Variants in CHCHD3 observed in about 807,000 individuals in gnomAD.
CHCHD3 encodes the protein coiled-coil-helix-coiled-coil-helix domain containing 3.
Under a neutral mutation model 38.2 loss-of-function variants are expected in CHCHD3, and 20 were observed. The ratio of observed to expected loss-of-function variants is 0.52; its 90% confidence interval spans 0.37 to 0.76. The LOEUF is 0.76. Ranked by LOEUF, CHCHD3 falls within the 30% of genes least tolerant of loss-of-function variation. The probability of loss-of-function intolerance (pLI) is 0.00; values close to 1 mark genes in which losing one functional copy is unlikely to be tolerated. For synonymous variants in CHCHD3, 82 were observed against 100.0 expected, an observed-to-expected ratio of 0.82 and a Z score of 1.07; for missense variants, 245 against 279.2, an observed-to-expected ratio of 0.88 and a Z score of 0.87.
At chr7:132,972,978 A>T (rs966377701) in intron 4 of CHCHD3, 1 of 985,454 alleles carries the variant, frequency 1.0e-6, no homozygotes, top group African/African-American at 1.7e-5. Flanking sequence ...TATTCCAATC[A>T]AAACATGTTG....
Position 132,970,217 on chromosome 7 carries a change from G to C in CHCHD3, c.369+4952C>G, listed in dbSNP as rs191528529. ...CAAGCTTTTGCCTGCAATACCTAAGGCTGTTTCATCCCACTCCTCAACCTT... is the reference window on the plus strand; with the variant it reads ...CAAGCTTTTGCCTGCAATACCTAAGCCTGTTTCATCCCACTCCTCAACCTT... On this transcript the variant is annotated intron_variant, in intron 4 of 7. Transcript: ENST00000262570. Among the ~76,000 whole-genome samples the C allele has an allele frequency of 2.3e-4, 35 of 152,220 alleles. 1 individual carries two copies. The highest frequency in any genetic ancestry group is 2.1e-3 in the Admixed American group (32 of 15,298).
chr7:132,996,744 G>A (rs530350682), intron 3 of CHCHD3, among the ~76,000 whole-genome samples: 1 of 152,266 alleles, frequency 6.6e-6, no homozygotes, highest in East Asian at 1.9e-4. Context: ...GCAGCGGTGC[G>A]ATGCTGAGGG....
intron 5 of CHCHD3, among the ~76,000 whole-genome samples, chr7:132,862,981 C>G (rs774725051): frequency 6.6e-6 from 1 of 152,214 alleles, no homozygotes; most frequent in Non-Finnish European, 1.5e-5. Flanking sequence ...CCTTCCTCCA[C>G]TGAAGTGTTG....
At chr7:132,812,067 T>C (rs1200920328) in intron 6 of CHCHD3, among the ~76,000 whole-genome samples, 2 of 152,072 alleles carry the variant, frequency 1.3e-5, no homozygotes, top group South Asian at 2.1e-4. Flanking sequence ...TCTCAGTAAA[T>C]AGACCCTTCA....
chr7:132,799,800 T>C (rs1585524548), intron 6 of CHCHD3, among the ~76,000 whole-genome samples: 2 of 152,206 alleles, frequency 1.3e-5, no homozygotes, highest in Non-Finnish European at 2.9e-5. Flanking sequence ...GATCCTACCA[T>C]ATGTATGCAC....
intron 4 of CHCHD3, chr7:132,973,361 T>A (rs918202780): frequency 1.0e-6 from 1 of 985,376 alleles, no homozygotes; most frequent in Non-Finnish European, 1.2e-6. Flanking sequence ...TTAATATACA[T>A]AGAAATGACT....
At chr7:132,813,218 G>A (rs960884640) in intron 6 of CHCHD3, among the ~76,000 whole-genome samples, 6 of 152,150 alleles carry the variant, frequency 3.9e-5, no homozygotes, top group African/African-American at 1.4e-4. Context: ...GTGTATATGT[G>A]GGGGAACAAG....
At chr7:132,985,188 C>T (rs1210402694) in intron 3 of CHCHD3, among the ~76,000 whole-genome samples, 3 of 70,962 alleles carry the variant, frequency 4.2e-5, no homozygotes, top group South Asian at 4.9e-4. Flanking sequence ...CCGCCCCGTC[C>T]GGAAGGGAGG....
At chr7:132,897,735 A>G (rs910081159) in intron 4 of CHCHD3, among the ~76,000 whole-genome samples, 4 of 152,240 alleles carry the variant, frequency 2.6e-5, no homozygotes, top group Non-Finnish European at 1.5e-5. Context: ...ATTTTCTGCA[A>G]CCATTATTGC....
chr7:132,804,055 C>T (rs1806854654), intron 6 of CHCHD3, among the ~76,000 whole-genome samples: 1 of 151,992 alleles, frequency 6.6e-6, no homozygotes, highest in Admixed American at 6.6e-5. Flanking sequence ...AGGTAGATAA[C>T]TGGAAATAGC....
rs58754100 is a variant in CHCHD3, at chr7:133,076,058, CAAAAAAAAAA to C, written c.81+5789_81+5798del. Among the ~76,000 whole-genome samples, 125 of 63,710 alleles carry C rather than the reference CAAAAAAAAAA, an allele frequency of 2.0e-3. 1 individual carries two copies. The highest frequency in any genetic ancestry group is 1.4e-3 in the South Asian group (2 of 1,454). The allele number at this position is 63,710 out of a possible 152,430, so 41.8% of individuals were successfully genotyped here. A position where few individuals can be genotyped will look rare whatever the true frequency, so the allele number is the denominator to read the frequency against. On this transcript the variant is annotated intron_variant, in intron 1 of 7. Coordinates refer to ENST00000262570, the MANE Select transcript of CHCHD3 (RefSeq NM_017812.4). ...TGGGCAAGAGAATGAGATTCTATCT[CAAAAAAAAAA>C]AAAAAAAAAAAAAAAGTATCTTCTT...
At chr7:133,030,059 C>T (rs180960496) in intron 2 of CHCHD3, among the ~76,000 whole-genome samples, 13 of 149,230 alleles carry the variant, frequency 8.7e-5, no homozygotes, top group South Asian at 2.1e-4. Context: ...AAGGTCACAA[C>T]TGAAAAAGTA....
rs769375404 is a variant in CHCHD3, at chr7:132,796,432, G to A, written c.660+10C>T. The A allele has an allele frequency of 1.2e-6, 2 of 1,613,166 alleles. No individual in the cohort carries two copies. The highest frequency in any genetic ancestry group is 4.5e-5 in the East Asian group (2 of 44,868). ...CCCAGTGCCCCCAGTGGCCTGGCTGGCACACCTACCTGTTTGGCATGATTG... is the reference window on the plus strand; with the variant it reads ...CCCAGTGCCCCCAGTGGCCTGGCTGACACACCTACCTGTTTGGCATGATTG... On this transcript the variant is annotated intron_variant, in intron 7 of 7. Coordinates refer to ENST00000262570, the MANE Select transcript of CHCHD3 (RefSeq NM_017812.4).
intron 4 of CHCHD3, among the ~76,000 whole-genome samples, chr7:132,932,706 C>G (rs1453103468): frequency 6.6e-6 from 1 of 152,148 alleles, no homozygotes; most frequent in Non-Finnish European, 1.5e-5. Context: ...GCACATAAAC[C>G]TTTTTTGCTA....
At chr7:132,985,053 G>A (rs1812059998) in intron 3 of CHCHD3, among the ~76,000 whole-genome samples, 1 of 96,034 alleles carries the variant, frequency 1.0e-5, no homozygotes, top group Non-Finnish European at 2.2e-5. Flanking sequence ...CCGGCCAGCC[G>A]CCCCGTCCGG....
chr7:132,963,322 A>ATTTTTTTTTTTT (rs1005146883), intron 4 of CHCHD3, among the ~76,000 whole-genome samples: 2 of 87,568 alleles, frequency 2.3e-5, no homozygotes, highest in African/African-American at 4.8e-5. Flanking sequence ...TAAAATTGTA[A>ATTTTTTTTTTTT]TTTTTTTTTT....
chr7:132,844,249 G>A (rs1204470427), intron 5 of CHCHD3, among the ~76,000 whole-genome samples: 5 of 152,210 alleles, frequency 3.3e-5, no homozygotes, highest in South Asian at 2.1e-4. Context: ...AGTGAGCCAA[G>A]ATTGTGCCAC....
intron 5 of CHCHD3, among the ~76,000 whole-genome samples, chr7:132,846,624 C>T (rs1808083226): frequency 6.6e-6 from 1 of 152,130 alleles, no homozygotes; most frequent in African/African-American, 2.4e-5. Context: ...GGTATCTTGT[C>T]CTATTCATCA....
intron 4 of CHCHD3, among the ~76,000 whole-genome samples, chr7:132,939,911 TC>T (rs1169901602): frequency 1.3e-5 from 2 of 152,110 alleles, no homozygotes; most frequent in Non-Finnish European, 2.9e-5. Flanking sequence ...TAATAAACAG[TC>T]CCTACGGACA....
Sources: allele counts gnomAD v4.1 joint callset (sites outside exome capture counted in the v4.1 genomes callset), GRCh38; gene constraint gnomAD v4.1.1; transcripts MANE v1.5; gene names NCBI Gene and HGNC (gene_info 2026-07-23, HGNC 2026-07-21).